Variants in IQCM observed in about 807,000 individuals in gnomAD.
IQCM encodes the protein IQ domain-containing protein M.
A neutral mutation model predicts 57.6 loss-of-function variants in IQCM; 45 were observed. The observed-to-expected ratio is 0.78, with a 90% CI of 0.62 to 1.00. IQCM has a LOEUF of 1.00. Among genes scored for constraint, IQCM ranks in the 50% least tolerant of loss-of-function variants. The pLI is 0.00. For synonymous variants in IQCM, 148 were observed against 158.9 expected, an observed-to-expected ratio of 0.93 and a Z score of 0.51; for missense variants, 468 against 511.6, an observed-to-expected ratio of 0.91 and a Z score of 0.82.
In IQCM at chr4:149,720,275, G is replaced by T. The variant is rs184908205; in HGVS notation, c.385+12969C>A. 4.3e-3 allele frequency among the ~76,000 whole-genome samples: 659 copies of T among 152,240 alleles called. 1 individual carries two copies. The highest frequency in any genetic ancestry group is 7.4e-3 in the Non-Finnish European group (500 of 68,002). On this transcript the variant is annotated intron_variant, in intron 5 of 13. Coordinates refer to ENST00000636793, the MANE Select transcript of IQCM (RefSeq NM_001363507.2). The stretch of plus-strand genomic sequence containing the variant: ...TTAGCAGAAGAAAAATGGTAAAAAA[G>T]AATGTGTTTCAATTGCTTCTAAATC...
At chr4:149,585,956 TA>T (rs1410562285) in intron 9 of IQCM, among the ~76,000 whole-genome samples, 1 of 151,660 alleles carries the variant, frequency 6.6e-6, no homozygotes, top group African/African-American at 2.4e-5. Context: ...CAGGGTAGAC[TA>T]TACAGAAAAA....
At chr4:149,515,245 C>T (rs116217345) in intron 12 of IQCM, among the ~76,000 whole-genome samples, 11,263 of 152,024 alleles carry the variant, frequency 0.074, 551 homozygotes, top group Non-Finnish European at 0.12. Flanking sequence ...GGAAACCAAA[C>T]GTTTGACTAT....
chr4:149,651,871 A>C (rs2150135411), intron 7 of IQCM, among the ~76,000 whole-genome samples: 1 of 152,286 alleles, frequency 6.6e-6, no homozygotes, highest in South Asian at 2.1e-4. Context: ...AATTAGTTCA[A>C]CCATTATGGA....
chr4:149,742,523 G>A, intron 3 of IQCM, 132 bp downstream of exon 3: 6 of 477,044 alleles, frequency 1.3e-5, no homozygotes, highest in East Asian at 7.1e-5. Flanking sequence ...TTAAATAAAG[G>A]GAATGGAATA....
chr4:149,483,397 G>A (rs1055807773), intron 12 of IQCM, among the ~76,000 whole-genome samples: 2 of 151,538 alleles, frequency 1.3e-5, no homozygotes, highest in African/African-American at 2.4e-5. Context: ...TTTTGATGCA[G>A]GTTCTTATAG....
chr4:149,377,102 T>A (rs1730749931), intron 13 of IQCM, among the ~76,000 whole-genome samples: 1 of 152,082 alleles, frequency 6.6e-6, no homozygotes, highest in South Asian at 2.1e-4. Flanking sequence ...AATTTCTAGT[T>A]TTAAAACAAA....
chr4:149,736,139 G>T (rs1766918823), intron 3 of IQCM, among the ~76,000 whole-genome samples: 1 of 149,960 alleles, frequency 6.7e-6, no homozygotes, highest in Non-Finnish European at 1.5e-5. Flanking sequence ...GTAGAGATGG[G>T]GTTTCACCAT....
At chr4:149,555,035 A>G (rs1357800791) in intron 10 of IQCM, among the ~76,000 whole-genome samples, 3 of 151,890 alleles carry the variant, frequency 2.0e-5, no homozygotes, top group Non-Finnish European at 1.5e-5. Flanking sequence ...CTGTCATGTT[A>G]TTTTCTGTTT....
At chr4:149,813,410 T>G (rs1774773815) in intron 2 of IQCM, among the ~76,000 whole-genome samples, 1 of 152,100 alleles carries the variant, frequency 6.6e-6, no homozygotes, top group Admixed American at 6.6e-5. Flanking sequence ...ATGAAATTTT[T>G]AAAGCTGAGA....
chr4:149,676,539 T>TCC (rs1428958987), intron 7 of IQCM, among the ~76,000 whole-genome samples: 2 of 151,970 alleles, frequency 1.3e-5, no homozygotes, highest in Non-Finnish European at 2.9e-5. Context: ...ATTGGTATTA[T>TCC]CCCCCCTCTA....
At chr4:149,669,122 C>T (rs1761010913) in intron 7 of IQCM, among the ~76,000 whole-genome samples, 1 of 152,200 alleles carries the variant, frequency 6.6e-6, no homozygotes, top group Admixed American at 6.5e-5. Context: ...TATTTCTCCA[C>T]ATCCTCTCCA....
At chr4:149,605,141 A>G (rs546969312) in intron 8 of IQCM, among the ~76,000 whole-genome samples, 60 of 152,340 alleles carry the variant, frequency 3.9e-4, no homozygotes, top group Non-Finnish European at 7.5e-4. Context: ...TCAGAGCAAA[A>G]GGTCAATTAT....
At chr4:149,437,159 T>A (rs1735443140) in intron 12 of IQCM, among the ~76,000 whole-genome samples, 1 of 152,108 alleles carries the variant, frequency 6.6e-6, no homozygotes, top group South Asian at 2.1e-4. Context: ...TAACCAATGG[T>A]TCCTGGTATC....
intron 13 of IQCM, among the ~76,000 whole-genome samples, chr4:149,386,712 T>A (rs915662175): frequency 6.6e-6 from 1 of 152,004 alleles, no homozygotes; most frequent in African/African-American, 2.4e-5. Flanking sequence ...TCTGAACTAT[T>A]CCTTTGTCAG....
intron 5 of IQCM, among the ~76,000 whole-genome samples, chr4:149,691,555 G>C (rs1762938333): frequency 6.6e-6 from 1 of 152,134 alleles, no homozygotes; most frequent in South Asian, 2.1e-4. Flanking sequence ...GAGATATAAA[G>C]AGTGAAATTT....
chr4:149,631,020 T>G (rs1427524539), intron 7 of IQCM, among the ~76,000 whole-genome samples: 1 of 152,198 alleles, frequency 6.6e-6, no homozygotes, highest in Non-Finnish European at 1.5e-5. Context: ...GCAAGCAATA[T>G]GGTTTTTGCT....
chr4:149,589,843 G>A (rs1752966616), intron 8 of IQCM, among the ~76,000 whole-genome samples: 1 of 151,918 alleles, frequency 6.6e-6, no homozygotes, highest in South Asian at 2.1e-4. Flanking sequence ...TATTTTAAAT[G>A]TTACCCTCAA....
At chr4:149,361,220 T>C (rs919720171) in intron 13 of IQCM, among the ~76,000 whole-genome samples, 9 of 152,224 alleles carry the variant, frequency 5.9e-5, no homozygotes, top group Non-Finnish European at 1.3e-4. Flanking sequence ...GTGACTTGGG[T>C]ACTGTTAGAG....
chr4:149,380,586 A>AGAG (rs993979025), intron 13 of IQCM, among the ~76,000 whole-genome samples: 1 of 152,192 alleles, frequency 6.6e-6, no homozygotes, highest in Non-Finnish European at 1.5e-5. Flanking sequence ...TTTCGGAAGA[A>AGAG]GAGGGTCAAT....
Sources: gnomAD v4.1 joint callset for allele counts (sites outside exome capture counted in the v4.1 genomes callset) on GRCh38, gnomAD v4.1.1 for gene constraint, MANE v1.5 for transcripts, NCBI Gene and HGNC (gene_info 2026-07-23, HGNC 2026-07-21) for gene names.